The following CHODL variants were observed in gnomAD, a reference collection of about 807,000 sequenced individuals.
CHODL encodes the protein chondrolectin, also known as transmembrane protein MT75.
Under a neutral mutation model 34.5 loss-of-function variants are expected in CHODL, and 29 were observed. The observed-to-expected ratio is 0.84, with a 90% CI of 0.63 to 1.15. CHODL has a LOEUF of 1.15. CHODL is among the 50% of genes most tolerant of loss of function. The pLI is 0.00. For missense variants in CHODL, 332 were observed against 332.5 expected (o/e 1.00, Z 0.01); for synonymous variants, 125 against 116.1 (o/e 1.08, Z -0.49).
chr21:18,036,485 T>G (rs561468970), intron 2 of CHODL, among the ~76,000 whole-genome samples: 1 of 152,100 alleles, frequency 6.6e-6, no homozygotes, highest in East Asian at 2.0e-4. Context: ...CCTAACTCAG[T>G]TCAACTCAGG....
At chr21:18,168,585 T>C (rs1433724229) in intron 2 of CHODL, among the ~76,000 whole-genome samples, 1 of 152,252 alleles carries the variant, frequency 6.6e-6, no homozygotes. Context: ...TGGAGAAATA[T>C]CTATATTCAA....
intron 1 of CHODL, among the ~76,000 whole-genome samples, chr21:18,019,516 T>C (rs1043338556): frequency 6.6e-6 from 1 of 152,176 alleles, no homozygotes; most frequent in South Asian, 2.1e-4. Context: ...CTTAAGATGA[T>C]GAGTACCTCC....
At chr21:18,058,390 T>A (rs1432406836) in intron 2 of CHODL, among the ~76,000 whole-genome samples, 1 of 152,158 alleles carries the variant, frequency 6.6e-6, no homozygotes, top group African/African-American at 2.4e-5. Context: ...ATCAAAGAGA[T>A]AGCTGCATCC....
At chr21:18,223,395 A>G (rs1443670874) in intron 2 of CHODL, among the ~76,000 whole-genome samples, 1 of 152,224 alleles carries the variant, frequency 6.6e-6, no homozygotes, top group Non-Finnish European at 1.5e-5. Context: ...CGAGAAATAC[A>G]ACTTGTATAA....
In CHODL at chr21:18,193,531, T is replaced by C. The variant is rs370356874; in HGVS notation, c.-44-62978T>C. 3.2e-4 allele frequency among the ~76,000 whole-genome samples: 49 copies of C among 151,370 alleles called. 2 individuals carry two copies. The highest frequency in any genetic ancestry group is 1.2e-3 in the African/African-American group (48 of 41,288). The stretch of plus-strand genomic sequence containing the variant: ...CAACATGGTGAAACCCAGTCTCTAC[T>C]AAAAAAATACAAAAATTAGCCACAC... On this transcript the variant is annotated intron_variant, in intron 2 of 6. Transcript: ENST00000400127.
intron 1 of CHODL, among the ~76,000 whole-genome samples, chr21:17,952,292 A>G (rs1402529765): frequency 6.6e-6 from 1 of 151,978 alleles, no homozygotes; most frequent in Admixed American, 6.6e-5. Context: ...TAGGTACTTC[A>G]TGATCAAAAT....
intron 2 of CHODL, among the ~76,000 whole-genome samples, chr21:18,154,881 CTG>C (rs2073015205): frequency 6.6e-6 from 1 of 152,072 alleles, no homozygotes; most frequent in Admixed American, 6.5e-5. Flanking sequence ...AATTTCAAGT[CTG>C]TATAAGATGA....
intron 1 of CHODL, among the ~76,000 whole-genome samples, chr21:17,979,787 G>A (rs1439702771): frequency 1.3e-5 from 2 of 152,162 alleles, no homozygotes; most frequent in Non-Finnish European, 2.9e-5. Flanking sequence ...TGGGGTTTTA[G>A]GAAACACAGC....
At position 18,016,941 on chromosome 21, in the gene CHODL, C is replaced by T. The variant is rs375645337; in HGVS notation, c.-144-10931C>T. On this transcript the variant is annotated intron_variant, in intron 1 of 6. Transcript: ENST00000400127. ...AGATTTTGGACTTGCATGGGGCCTG[C>T]GGCCCCATTGTTTTGGCCAATTTAT... is the stretch of plus-strand genomic sequence containing the variant. Among the ~76,000 whole-genome samples, 223 of 152,346 alleles carry T rather than the reference C, an allele frequency of 1.5e-3. 1 individual carries two copies. Among genetic ancestry groups the T allele is most frequent in the Middle Eastern group, 6.8e-3 (2 of 294 alleles).
intron 2 of CHODL, among the ~76,000 whole-genome samples, chr21:18,102,765 T>C (rs577557730): frequency 6.6e-6 from 1 of 152,326 alleles, no homozygotes; most frequent in South Asian, 2.1e-4. Flanking sequence ...ATTTTGTTGA[T>C]AGAAATAATT....
At chr21:18,016,361 G>A (rs1009782996) in intron 1 of CHODL, among the ~76,000 whole-genome samples, 2 of 152,224 alleles carry the variant, frequency 1.3e-5, no homozygotes, top group Non-Finnish European at 2.9e-5. Flanking sequence ...GCTTCCATGT[G>A]GTATTGGTCC....
chr21:18,019,393 A>G (rs1487646370), intron 1 of CHODL, among the ~76,000 whole-genome samples: 1 of 151,968 alleles, frequency 6.6e-6, no homozygotes, highest in African/African-American at 2.4e-5. Context: ...AATGAATAAG[A>G]TCTAATATTT....
intron 2 of CHODL, among the ~76,000 whole-genome samples, chr21:18,233,888 TC>T (rs1200806842): frequency 1.3e-5 from 2 of 152,132 alleles, no homozygotes; most frequent in Non-Finnish European, 2.9e-5. Flanking sequence ...CTGTCTATAT[TC>T]CAACCGTAAC....
At chr21:18,241,101 T>A (rs951405407), upstream of CHODL, among the ~76,000 whole-genome samples, 1 of 152,096 alleles carries the variant, frequency 6.6e-6, no homozygotes, top group Non-Finnish European at 1.5e-5. Context: ...CAAGTAAATC[T>A]CAGGTGAATT....
intron 1 of CHODL, among the ~76,000 whole-genome samples, chr21:18,015,044 C>G (rs891716759): frequency 6.6e-6 from 1 of 152,124 alleles, no homozygotes; most frequent in Non-Finnish European, 1.5e-5. Flanking sequence ...TTCTTAGAGA[C>G]TGGTTAAATC....
At chr21:18,202,027 A>G (rs9305853) in intron 2 of CHODL, among the ~76,000 whole-genome samples, 114,356 of 151,738 alleles carry the variant, frequency 0.75, 43,515 homozygotes, top group East Asian at 0.93. Flanking sequence ...GGATGATCTC[A>G]ATCTCCTGAC....
chr21:18,192,598 C>G (rs2073524298), intron 2 of CHODL, among the ~76,000 whole-genome samples: 1 of 152,100 alleles, frequency 6.6e-6, no homozygotes, highest in Non-Finnish European at 1.5e-5. Context: ...TATATTTTAA[C>G]TTGGACATAT....
At chr21:18,188,074 T>C (rs143991220) in intron 2 of CHODL, among the ~76,000 whole-genome samples, 38 of 152,246 alleles carry the variant, frequency 2.5e-4, no homozygotes, top group African/African-American at 9.2e-4. Context: ...CCTTTCCTTT[T>C]CTTGATATTT....
At chr21:18,232,255 T>C (rs1411734903) in intron 2 of CHODL, among the ~76,000 whole-genome samples, 1 of 152,126 alleles carries the variant, frequency 6.6e-6, no homozygotes, top group Non-Finnish European at 1.5e-5. Flanking sequence ...ATTATACTGA[T>C]TTCTTAATAC....
Sources: gnomAD v4.1 joint callset for allele counts (sites outside exome capture counted in the v4.1 genomes callset) on GRCh38, gnomAD v4.1.1 for gene constraint, MANE v1.5 for transcripts, NCBI Gene and HGNC (gene_info 2026-07-23, HGNC 2026-07-21) for gene names.